KIF16B: variants seen among roughly 807,000 people sequenced by gnomAD.
KIF16B encodes the protein kinesin-like protein KIF16B.
Under a neutral mutation model 156.3 loss-of-function variants are expected in KIF16B, and 98 were observed. The ratio of observed to expected loss-of-function variants is 0.63; its 90% CI spans 0.53 to 0.74. The LOEUF is 0.74. Ranked by LOEUF, KIF16B falls within the 30% of genes least tolerant of loss-of-function variation. The pLI is 0.00. For missense variants in KIF16B, 1,421 were observed against 1,606.5 expected, an observed-to-expected ratio of 0.88 and a Z score of 1.97; for synonymous variants, 564 against 583.7, an observed-to-expected ratio of 0.97 and a Z score of 0.49.
intron 1 of KIF16B, among the ~76,000 whole-genome samples, chr20:16,566,266 G>A (rs1163437646): frequency 1.3e-5 from 2 of 152,208 alleles, no homozygotes; most frequent in African/African-American, 4.8e-5. Flanking sequence ...TTCCTGCACT[G>A]GTTGTCAGCA....
intron 1 of KIF16B, among the ~76,000 whole-genome samples, chr20:16,572,273 G>T (rs1346464938): frequency 6.6e-6 from 1 of 152,188 alleles, no homozygotes; most frequent in Non-Finnish European, 1.5e-5. Context: ...TTGATTTTAT[G>T]GCCTTCGGCT....
intron 1 of KIF16B, among the ~76,000 whole-genome samples, chr20:16,550,533 T>TA (rs1283961215): frequency 7.0e-6 from 1 of 141,998 alleles, no homozygotes; most frequent in East Asian, 2.0e-4. Context: ...ACATTCTTTT[T>TA]TTTTTTTTTT....
intron 12 of KIF16B, among the ~76,000 whole-genome samples, chr20:16,478,788 C>T (rs2067892402): frequency 6.6e-6 from 1 of 152,046 alleles, no homozygotes; most frequent in Non-Finnish European, 1.5e-5. Flanking sequence ...TCTTACTGTG[C>T]CTAATTTATA....
In KIF16B at chr20:16,273,276, A is replaced by G; in HGVS notation, c.3931T>C (p.Tyr1311His). The G allele has an allele frequency of 6.2e-7, 1 of 1,614,074 alleles. No individual in the cohort carries two copies. The highest frequency in any genetic ancestry group is 2.2e-5 in the East Asian group (1 of 44,880). The change falls in exon 26 of 26, where the codon TAC becomes CAC. Residue 1311 changes from tyrosine to histidine, a missense_variant. Physicochemically the swap from Tyr to His is moderately conservative, Grantham distance 83. Transcript: ENST00000354981. ...CTCTACCCCGTCCCGTGGCTGCTGT[A>G]GTCAAAGACTCCTTTCTTGAAGAAT... Reference protein sequence around the residue: ...SPFFKKGVFDYSSHGTG With the variant: ...SPFFKKGVFDHSSHGTG
chr20:16,318,915 A>C (rs2063736104), intron 24 of KIF16B, among the ~76,000 whole-genome samples: 1 of 152,126 alleles, frequency 6.6e-6, no homozygotes, highest in Non-Finnish European at 1.5e-5. Flanking sequence ...AAGAAAAACA[A>C]GCAACTCTAC....
At chr20:16,328,145 C>T (rs749342011) in intron 24 of KIF16B, among the ~76,000 whole-genome samples, 5 of 152,114 alleles carry the variant, frequency 3.3e-5, no homozygotes, top group Non-Finnish European at 5.9e-5. Context: ...TAACCTCTTG[C>T]CTAGTCGTTT....
intron 25 of KIF16B, among the ~76,000 whole-genome samples, chr20:16,291,344 T>C (rs1213215265): frequency 3.3e-5 from 5 of 152,184 alleles, no homozygotes; most frequent in Non-Finnish European, 5.9e-5. Context: ...GTCTGAGAAG[T>C]TGCTGTAGAC....
intron 5 of KIF16B, among the ~76,000 whole-genome samples, chr20:16,512,503 A>T (rs2068988782): frequency 6.6e-6 from 1 of 152,220 alleles, no homozygotes; most frequent in Non-Finnish European, 1.5e-5. Flanking sequence ...AAACCTTACT[A>T]AGCTAAAAGA....
rs139238606 is a variant in KIF16B at position 16,324,834 on chromosome 20, G to C, written c.3711+11092C>G. Among the ~76,000 whole-genome samples, 249 of 151,920 alleles carry C rather than the reference G, an allele frequency of 1.6e-3. 7 individuals carry two copies. The East Asian group carries it at 0.033, about 20-fold the overall frequency. On this transcript the variant is annotated intron_variant, in intron 24 of 25. Transcript: ENST00000354981. ...TCACCCTAATACCAAAACCAGGAAA[G>C]AACATAACAACTAAAAAAGAAAACT...
chr20:16,513,533 G>A (rs1222239744), intron 4 of KIF16B, among the ~76,000 whole-genome samples: 1 of 151,998 alleles, frequency 6.6e-6, no homozygotes, highest in Non-Finnish European at 1.5e-5. Flanking sequence ...GGTGGCACAT[G>A]CCTGTAATCC....
chr20:16,430,788 T>A (rs998028227), intron 12 of KIF16B, among the ~76,000 whole-genome samples: 1 of 151,920 alleles, frequency 6.6e-6, no homozygotes, highest in Non-Finnish European at 1.5e-5. Context: ...AGGGCAGATG[T>A]CTCCCTTAAG....
At chr20:16,546,812 T>A (rs1196899051) in intron 1 of KIF16B, among the ~76,000 whole-genome samples, 1 of 152,208 alleles carries the variant, frequency 6.6e-6, no homozygotes, top group Non-Finnish European at 1.5e-5. Flanking sequence ...AGTCTCACTC[T>A]GTTGCCCAGG....
intron 10 of KIF16B, 43 bp from the exon 11 acceptor site, chr20:16,497,721 C>G: frequency 7.4e-7 from 1 of 1,359,820 alleles, no homozygotes; most frequent in Non-Finnish European, 1.0e-6. Context: ...TAATAAACAG[C>G]AATAATCTAG....
At chr20:16,549,011 G>GT (rs71192340) in intron 1 of KIF16B, among the ~76,000 whole-genome samples, 15,723 of 140,818 alleles carry the variant, frequency 0.11, 1,027 homozygotes, top group East Asian at 0.31. Context: ...CTCATTTTCG[G>GT]TTTTTTTTTT....
At chr20:16,406,549 T>G in intron 15 of KIF16B, 93 bp from the exon 16 acceptor site, 1 of 1,043,976 alleles carries the variant, frequency 9.6e-7, no homozygotes, top group South Asian at 1.3e-5. Context: ...GAAATGTAAT[T>G]TCCAGTGTAT....
intron 24 of KIF16B, among the ~76,000 whole-genome samples, chr20:16,317,796 C>G (rs1320292561): frequency 1.3e-5 from 2 of 152,234 alleles, no homozygotes; most frequent in Admixed American, 6.5e-5. Context: ...CTCACCCTCA[C>G]CTGCATTCTG....
At chr20:16,330,358 C>A (rs759238303) in intron 24 of KIF16B, among the ~76,000 whole-genome samples, 14 of 152,280 alleles carry the variant, frequency 9.2e-5, no homozygotes, top group Admixed American at 2.0e-4. Context: ...GAAGGCTTAG[C>A]TGAATGATGG....
At chr20:16,390,934 G>A (rs930025058) in intron 17 of KIF16B, among the ~76,000 whole-genome samples, 2 of 152,208 alleles carry the variant, frequency 1.3e-5, no homozygotes. Flanking sequence ...CTCATATATC[G>A]ATCACACAGA....
At chr20:16,564,532 G>C (rs968806996) in intron 1 of KIF16B, among the ~76,000 whole-genome samples, 4 of 152,170 alleles carry the variant, frequency 2.6e-5, no homozygotes, top group Non-Finnish European at 5.9e-5. Context: ...GGAGAGGGGA[G>C]GGATAGCATT....
Sources: allele counts gnomAD v4.1 joint callset (sites outside exome capture counted in the v4.1 genomes callset), GRCh38; gene constraint gnomAD v4.1.1; transcripts MANE v1.5; gene names NCBI Gene and HGNC (gene_info 2026-07-23, HGNC 2026-07-21).